The following KIF13A variants were observed in gnomAD, a reference collection of about 807,000 sequenced individuals.
The protein encoded by KIF13A is kinesin family member 13A, also known as kinesin-like protein KIF13A.
In KIF13A, 79 loss-of-function variants were observed where a neutral mutation model predicts 212.2. That is an observed-to-expected ratio of 0.37 (90% confidence interval 0.31 to 0.45). The LOEUF is 0.45. KIF13A is among the 20% of genes least tolerant of loss of function. The pLI, the probability that KIF13A is intolerant of heterozygous loss-of-function variation, is 1.00. For synonymous variants in KIF13A, 789 were observed against 808.6 expected (o/e 0.98, Z 0.41); for missense variants, 1,901 against 2,209.0 (o/e 0.86, Z 2.79).
intron 2 of KIF13A, among the ~76,000 whole-genome samples, chr6:17,956,819 A>G (rs1040660644): frequency 5.9e-5 from 9 of 152,182 alleles, no homozygotes; most frequent in Admixed American, 5.9e-4. Context: ...AGGAACTAAC[A>G]CAGACAGGCC....
At chr6:17,887,949 G>A (rs528251844) in intron 3 of KIF13A, among the ~76,000 whole-genome samples, 20 of 150,262 alleles carry the variant, frequency 1.3e-4, no homozygotes, top group Non-Finnish European at 2.5e-4. Context: ...CAGGTGATCC[G>A]TCTGCCTCAG....
In KIF13A at chr6:17,837,897, G is replaced by A. The variant is rs1766122873; in HGVS notation, c.831-314C>T. ...GAACCCGGGAGTTAGAGGTTGCAGT[G>A]AGCCGAGACTGTGCCACTGCACTGC... On this transcript the variant is annotated intron_variant, in intron 9 of 38. Coordinates refer to ENST00000259711, the MANE Select transcript of KIF13A (RefSeq NM_022113.6). This position sits in a 1 kb window ranked among gnomAD's most constrained non-coding sequence, Gnocchi z 5.4. 6.6e-6 allele frequency among the ~76,000 whole-genome samples: 1 copy of A among 152,148 alleles called. No homozygotes were observed. Among genetic ancestry groups the A allele is most frequent in the Admixed American group, 6.5e-5 (1 of 15,284 alleles).
At chr6:17,901,419 A>T (rs2150487867) in intron 2 of KIF13A, among the ~76,000 whole-genome samples, 1 of 152,270 alleles carries the variant, frequency 6.6e-6, no homozygotes, top group Non-Finnish European at 1.5e-5. Context: ...TACTAAAATA[A>T]ACTTAACAGG....
Position 17,850,498 on chromosome 6 carries a change from C to T in KIF13A, c.583-41G>A. ...AAGGAAAAGACCATAAGCAAAAACA[C>T]AAGAATGTAGTCCTGCACACCAGGT... On this transcript the variant is annotated intron_variant, in intron 7 of 38. Transcript: ENST00000259711. The surrounding 1 kb of genome is among the most constrained non-coding windows in gnomAD (Gnocchi z 6.2). The T allele has an allele frequency of 6.3e-7, 1 of 1,576,272 alleles. No individual in the cohort carries two copies. Among genetic ancestry groups the T allele is most frequent in the Non-Finnish European group, 8.6e-7 (1 of 1,160,058 alleles).
rs1277718786 is a variant in KIF13A, at chr6:17,837,024, C to T, written c.1009G>A (p.Glu337Lys). 1 of 1,613,964 alleles carries T rather than the reference C, an allele frequency of 6.2e-7. No homozygotes were observed. The highest frequency in any genetic ancestry group is 1.7e-5 in the Admixed American group (1 of 60,020). ...TATCTTAATGTGGAGAGGGTCTCTT[C>T]ATAGTTGTCTGCGGCTGGGCTGATT... ...ATISPAADNY[E>K]ETLSTLRYAD... is the part of the protein sequence containing the mutation. The change falls in exon 11 of 39, where the codon GAA becomes AAA. Residue 337 changes from glutamate to lysine, a missense_variant. Physicochemically the swap from Glu to Lys is moderately conservative, Grantham distance 56 (BLOSUM62 1). Transcript: ENST00000259711. The surrounding 1 kb of genome is among the most constrained non-coding windows in gnomAD (Gnocchi z 5.4).
chr6:17,951,366 A>G lies in KIF13A; in HGVS notation c.146+35688T>C. On this transcript the variant is annotated intron_variant, in intron 2 of 38. Coordinates refer to ENST00000259711, the MANE Select transcript of KIF13A (RefSeq NM_022113.6). This position sits in a 1 kb window ranked among gnomAD's most constrained non-coding sequence, Gnocchi z 4.9. The stretch of plus-strand genomic sequence containing the variant: ...GGCTGGTCTTGAAATCCTCGGCTCA[A>G]GTGATCCTCTTGCCTTGGCCTCCCA... The G allele has an allele frequency of 1.5e-6, 1 of 645,872 alleles. No homozygotes were observed. Among genetic ancestry groups the G allele is most frequent in the East Asian group, 3.0e-5 (1 of 33,742 alleles). 40.0% of individuals were successfully genotyped at this position (645,872 alleles called of 1,614,324 possible). A position where few individuals can be genotyped will look rare whatever the true frequency, so the allele number is the denominator to read the frequency against.
chr6:17,846,041 C>CTTTTTTTTTTTT (rs34232861), intron 9 of KIF13A, among the ~76,000 whole-genome samples: 1 of 83,264 alleles, frequency 1.2e-5, no homozygotes, highest in African/African-American at 5.7e-5. Flanking sequence ...GGAACTCAAC[C>CTTTTTTTTTTTT]TTTTTTTTTT....
At position 17,853,029 on chromosome 6, in the gene KIF13A, AG is replaced by A. The variant is rs1333006969; in HGVS notation, c.495-988del. 5.3e-5 allele frequency among the ~76,000 whole-genome samples: 8 copies of A among 152,208 alleles called. No individual in the cohort carries two copies. In the East Asian group the frequency reaches 1.5e-3, roughly 29 times the overall value. On this transcript the variant is annotated intron_variant, in intron 6 of 38. Coordinates refer to ENST00000259711, the MANE Select transcript of KIF13A (RefSeq NM_022113.6). ...CCATATTGTGCACACCATCTTTTTC[AG>A]GGCATCACATATTAATCATCTTTCA...
chr6:17,818,144 T>C (rs1264283240), intron 16 of KIF13A, among the ~76,000 whole-genome samples: 6 of 151,962 alleles, frequency 3.9e-5, no homozygotes, highest in Non-Finnish European at 7.4e-5. Context: ...AAGAAAATCA[T>C]CATCACAGTT....
intron 9 of KIF13A, among the ~76,000 whole-genome samples, chr6:17,847,794 G>T (rs1005534014): frequency 6.6e-6 from 1 of 151,996 alleles, no homozygotes; most frequent in African/African-American, 2.4e-5. Flanking sequence ...CTAACAAATC[G>T]GTGAAGTAGG....
intron 33 of KIF13A, among the ~76,000 whole-genome samples, chr6:17,778,481 C>G (rs942361520): frequency 6.6e-6 from 1 of 152,162 alleles, no homozygotes; most frequent in African/African-American, 2.4e-5. Flanking sequence ...CTTGAATGAC[C>G]TGTTGTCACC....
At chr6:17,807,440 A>G (rs532913732) in intron 18 of KIF13A, among the ~76,000 whole-genome samples, 8 of 152,272 alleles carry the variant, frequency 5.3e-5, no homozygotes, top group Non-Finnish European at 8.8e-5. Context: ...GGTCTCCTGC[A>G]GTACCCTCAA....
intron 17 of KIF13A, chr6:17,812,723 T>G (rs1763537299): frequency 6.6e-6 from 1 of 152,226 alleles, no homozygotes; most frequent in Admixed American, 6.5e-5. Flanking sequence ...GAAATGATAG[T>G]TCTGTTTTTA....
At chr6:17,909,708 A>G (rs942050324) in intron 2 of KIF13A, among the ~76,000 whole-genome samples, 24 of 151,146 alleles carry the variant, frequency 1.6e-4, no homozygotes, top group African/African-American at 5.8e-4. Flanking sequence ...CAGTCTGGCC[A>G]ACATGGTGAA....
intron 2 of KIF13A, among the ~76,000 whole-genome samples, chr6:17,960,689 G>C (rs973790314): frequency 1.3e-5 from 2 of 152,160 alleles, no homozygotes; most frequent in African/African-American, 4.8e-5. Context: ...GGGACCATGG[G>C]TTTTAAATGT....
Position 17,772,083 on chromosome 6 carries a change from G to C in KIF13A, c.4325-24C>G, listed in dbSNP as rs1269027818. On this transcript the variant is annotated intron_variant, in intron 36 of 38. Coordinates refer to ENST00000259711, the MANE Select transcript of KIF13A (RefSeq NM_022113.6). This position sits in a 1 kb window ranked among gnomAD's most constrained non-coding sequence, Gnocchi z 4.8. ...ACCTAGGGAAGATGAGAAGTTATGA[G>C]GTTACAGATGCTGAACACTTTAAGC... 6.2e-7 allele frequency: 1 copy of C among 1,611,502 alleles called. No individual in the cohort carries two copies. The highest frequency in any genetic ancestry group is 1.7e-5 in the Admixed American group (1 of 59,786).
intron 2 of KIF13A, among the ~76,000 whole-genome samples, chr6:17,921,947 T>A (rs748265044): frequency 1.6e-4 from 24 of 152,146 alleles, no homozygotes; most frequent in Non-Finnish European, 2.8e-4. Context: ...TATTGATTAA[T>A]CCAAAGAGAA....
At chr6:17,761,943 C>T (rs1408036743), downstream of KIF13A, among the ~76,000 whole-genome samples, 45 of 151,918 alleles carry the variant, frequency 3.0e-4, no homozygotes, top group Admixed American at 6.6e-5. Context: ...TATGGGGATG[C>T]GAGGGGATGG....
At chr6:17,833,793 T>A (rs1310099109) in intron 12 of KIF13A, among the ~76,000 whole-genome samples, 168 bp downstream of exon 12, 2 of 144,156 alleles carry the variant, frequency 1.4e-5, no homozygotes, top group Non-Finnish European at 3.0e-5. Flanking sequence ...GAGGTGGAGG[T>A]TGCAGTGAGT....
Sources: allele counts gnomAD v4.1 joint callset (sites outside exome capture counted in the v4.1 genomes callset), GRCh38; gene constraint gnomAD v4.1.1; non-coding constraint Gnocchi (gnomAD v3.1); transcripts MANE v1.5; gene names NCBI Gene and HGNC (gene_info 2026-07-23, HGNC 2026-07-21).